The following GTF3C1 variants were observed in gnomAD, a reference collection of about 807,000 sequenced individuals.
GTF3C1 encodes the protein general transcription factor IIIC subunit 1, also known as general transcription factor 3C polypeptide 1.
GTF3C1 carries 57 observed loss-of-function variants against 226.7 expected under a neutral mutation model. The observed-to-expected ratio is 0.25, with a 90% confidence interval of 0.20 to 0.31. The LOEUF (loss-of-function observed/expected upper bound fraction) is 0.31, where lower values mean the gene tolerates loss of function less well. Among genes scored for constraint, GTF3C1 ranks in the 10% least tolerant of loss-of-function variants. GTF3C1 has a pLI of 1.00. For missense variants in GTF3C1, 2,217 were observed against 2,776.1 expected, an observed-to-expected ratio of 0.80 and a Z score of 4.53; for synonymous variants, 1,090 against 1,084.8, an observed-to-expected ratio of 1.00 and a Z score of -0.09.
intron 4 of GTF3C1, 35 bp downstream of exon 4, chr16:27,537,749 A>G (rs779290851): frequency 2.0e-6 from 3 of 1,535,550 alleles, no homozygotes; most frequent in Non-Finnish European, 1.8e-6. Context: ...GGCTGCAACT[A>G]AAAAACCTAA....
chr16:27,504,814 C>T (rs2088459087), intron 10 of GTF3C1, among the ~76,000 whole-genome samples: 1 of 152,108 alleles, frequency 6.6e-6, no homozygotes, highest in African/African-American at 2.4e-5. Context: ...ACCTGCAGTC[C>T]CAGCTACTCA....
intron 1 of GTF3C1, 21 bp downstream of exon 1, chr16:27,549,649 C>CAGGCCAGGCCGCCCGCT (rs747332458): frequency 7.1e-5 from 95 of 1,339,454 alleles, no homozygotes; most frequent in Non-Finnish European, 8.8e-5. Flanking sequence ...GCCCGCCCGC[C>CAGGCCAGGCCGCCCGCT]AGGCCAGGCC....
At chr16:27,468,106 G>C (rs1193257431) in intron 32 of GTF3C1, among the ~76,000 whole-genome samples, 2 of 152,266 alleles carry the variant, frequency 1.3e-5, no homozygotes, top group East Asian at 3.9e-4. Context: ...CTTCAGCGGA[G>C]AAAGTAACTG....
chr16:27,462,407 T>C lies in GTF3C1; in HGVS notation c.6004A>G (p.Met2002Val). 6.2e-7 allele frequency: 1 copy of C among 1,611,852 alleles called. No homozygotes were observed. The highest frequency in any genetic ancestry group is 8.5e-7 in the Non-Finnish European group (1 of 1,178,886). ...GHLNLPVCKG[M>V]MEAMLYHIMT... is the part of the protein sequence containing the mutation. ...ATGTGGTACAGCATGGCCTCCATCA[T>C]ACCCTTGCATACAGGAAGGTTCAGG... Residue 2002 changes from methionine to valine, a missense_variant, in exon 36 of 37, where the codon ATG becomes GTG. Coordinates refer to ENST00000356183, the MANE Select transcript of GTF3C1 (RefSeq NM_001520.4). This position sits in a 1 kb window ranked among gnomAD's most constrained non-coding sequence, Gnocchi z 4.5.
At position 27,492,719 on chromosome 16, in the gene GTF3C1, A is replaced by C. The variant is rs1596631003; in HGVS notation, c.2877-6T>G. On this transcript the variant is annotated splice_region_variant and splice_polypyrimidine_tract_variant and intron_variant, in intron 17 of 36. Transcript: ENST00000356183. The surrounding 1 kb of genome is among the most constrained non-coding windows in gnomAD (Gnocchi z 5.0). ...CCACCGAAAAAATGTAACGCCTAGA[A>C]AACAGAGGGGGCGGGAGGTTCTCAT... 1.3e-6 allele frequency: 2 copies of C among 1,501,838 alleles called. No homozygotes were observed. Among genetic ancestry groups the C allele is most frequent in the Admixed American group, 3.3e-5 (2 of 59,892 alleles). The allele number at this position is 1,501,838 out of a possible 1,614,324, so 93.0% of individuals were successfully genotyped here. A position where few individuals can be genotyped will look rare whatever the true frequency, so the allele number is the denominator to read the frequency against.
At chr16:27,538,425 A>C (rs895807432) in intron 2 of GTF3C1, 69 bp from the exon 3 acceptor site, 2 of 916,704 alleles carry the variant, frequency 2.2e-6, no homozygotes, top group African/African-American at 3.3e-5. Flanking sequence ...GATAAGAAAA[A>C]GAAATGTGCA....
intron 29 of GTF3C1, among the ~76,000 whole-genome samples, chr16:27,475,532 C>G (rs890398711): frequency 2.0e-5 from 3 of 152,152 alleles, no homozygotes; most frequent in Non-Finnish European, 4.4e-5. Flanking sequence ...AGGGGACCCT[C>G]AGCACCTCTC....
Position 27,460,813 on chromosome 16 carries a change from G to A in GTF3C1, c.*537C>T, listed in dbSNP as rs552116752. ...CCAGCCCAGCTGGGGCCTGCCAGGT[G>A]ACTCACAAGGCTGAAAAGGGAGCCG... On this transcript the variant is annotated 3_prime_UTR_variant, in exon 37 of 37. Transcript: ENST00000356183. 1 of 152,364 alleles carries A rather than the reference G, an allele frequency of 6.6e-6. No individual in the cohort carries two copies. Among genetic ancestry groups the A allele is most frequent in the African/African-American group, 2.4e-5 (1 of 41,584 alleles). The allele number at this position is 152,364 out of a possible 1,614,324, so 9.4% of individuals were successfully genotyped here.
chr16:27,519,563 T>C (rs923664291), intron 6 of GTF3C1, among the ~76,000 whole-genome samples: 6 of 152,156 alleles, frequency 3.9e-5, no homozygotes, highest in Non-Finnish European at 7.4e-5. Context: ...CAGTCTCACA[T>C]GGGAGGCAGC....
chr16:27,479,623 C>T (rs2088008169), intron 27 of GTF3C1, among the ~76,000 whole-genome samples: 1 of 152,190 alleles, frequency 6.6e-6, no homozygotes, highest in Admixed American at 6.5e-5. Context: ...CACGTGCCAC[C>T]ACGCCCAGCT....
At chr16:27,520,108 T>C (rs1250619333) in intron 6 of GTF3C1, among the ~76,000 whole-genome samples, 1 of 152,028 alleles carries the variant, frequency 6.6e-6, no homozygotes, top group African/African-American at 2.4e-5. Flanking sequence ...GAGTGAGACC[T>C]TGTGTTTGGT....
At position 27,511,915 on chromosome 16, in the gene GTF3C1, C is replaced by A. The variant is rs1288217993; in HGVS notation, c.974-14G>T. On this transcript the variant is annotated splice_polypyrimidine_tract_variant and intron_variant, in intron 6 of 36. Coordinates refer to ENST00000356183, the MANE Select transcript of GTF3C1 (RefSeq NM_001520.4). ...TGACGTCGGTCCCTGGCAACACAAG[C>A]ACGGGTTTGCCAGCAATGAGTGAAA... 1.2e-6 allele frequency: 2 copies of A among 1,613,416 alleles called. No individual in the cohort carries two copies. The highest frequency in any genetic ancestry group is 3.3e-5 in the Admixed American group (2 of 60,022).
chr16:27,480,938 A>G (rs79446403), intron 27 of GTF3C1, 141 bp downstream of exon 27: 1 of 656,020 alleles, frequency 1.5e-6, no homozygotes, highest in Non-Finnish European at 2.7e-6. Context: ...CCATGAGAGG[A>G]GAGACAGGAG....
At position 27,461,230 on chromosome 16, in the gene GTF3C1, C is replaced by G; in HGVS notation, c.*120G>C. On this transcript the variant is annotated 3_prime_UTR_variant, in exon 37 of 37. Transcript: ENST00000356183. The surrounding 1 kb of genome is among the most constrained non-coding windows in gnomAD (Gnocchi z 5.3). ...AGTCTGTGACTCTGGCCAAAGCACC[C>G]GTCCCCTGCTGCAGGAGGCTCGGCA... is the stretch of plus-strand genomic sequence containing the variant. The G allele has an allele frequency of 1.5e-6, 1 of 650,716 alleles. No individual in the cohort carries two copies. The highest frequency in any genetic ancestry group is 2.7e-6 in the Non-Finnish European group (1 of 369,006). 40.3% of individuals were successfully genotyped at this position (650,716 alleles called of 1,614,324 possible).
chr16:27,543,755 A>G (rs891611488), intron 2 of GTF3C1, among the ~76,000 whole-genome samples: 19 of 152,198 alleles, frequency 1.2e-4, no homozygotes, highest in African/African-American at 4.3e-4. Context: ...TGGCAAGGAA[A>G]GTAGAAAAAC....
chr16:27,521,795 T>C (rs1337219398), intron 6 of GTF3C1, among the ~76,000 whole-genome samples: 1 of 152,252 alleles, frequency 6.6e-6, no homozygotes, highest in East Asian at 1.9e-4. Flanking sequence ...CATAATCAAT[T>C]TTCTAGGCTT....
chr16:27,547,882 C>T (rs887438348), intron 1 of GTF3C1, among the ~76,000 whole-genome samples: 29 of 152,144 alleles, frequency 1.9e-4, no homozygotes, highest in Admixed American at 1.9e-3. Context: ...ACCTCTGCCT[C>T]TCAAAGTGCT....
chr16:27,546,081 C>T (rs1180456373), intron 1 of GTF3C1, among the ~76,000 whole-genome samples: 2 of 152,078 alleles, frequency 1.3e-5, no homozygotes, highest in African/African-American at 2.4e-5. Flanking sequence ...CTCCTGACCT[C>T]GGTGATCCAC....
rs182953111 is a variant in GTF3C1, at chr16:27,468,556, G to A, written c.5074+735C>T. ...GAGCCCAAGAGCTAGAGATGACAGT[G>A]AGCTATCATCGTGCCACTGCACTCC... is the stretch of plus-strand genomic sequence containing the variant. On this transcript the variant is annotated intron_variant, in intron 32 of 36. Coordinates refer to ENST00000356183, the MANE Select transcript of GTF3C1 (RefSeq NM_001520.4). Among the ~76,000 whole-genome samples the A allele has an allele frequency of 2.8e-3, 433 of 152,278 alleles. 5 individuals are homozygous for A. The highest frequency in any genetic ancestry group is 0.027 in the Admixed American group (407 of 15,298).
Sources: allele counts gnomAD v4.1 joint callset (sites outside exome capture counted in the v4.1 genomes callset), GRCh38; gene constraint gnomAD v4.1.1; non-coding constraint Gnocchi (gnomAD v3.1); transcripts MANE v1.5; gene names NCBI Gene and HGNC (gene_info 2026-07-23, HGNC 2026-07-21).